Variants in TH observed in about 807,000 individuals in gnomAD.
TH encodes tyrosine hydroxylase, also known as tyrosine 3-monooxygenase.
In TH, 49 loss-of-function variants were observed where a neutral mutation model predicts 57.4. The observed-to-expected ratio is 0.85, with a 90% confidence interval of 0.68 to 1.08. The LOEUF is 1.08. Ranked by LOEUF, TH falls within the 50% of genes least tolerant of loss-of-function variation. The pLI is 0.00. For synonymous variants in TH, 330 were observed against 304.5 expected (o/e 1.08, Z -0.87); for missense variants, 720 against 696.7 (o/e 1.03, Z -0.38).
chr11:2,164,353 C>T lies in TH; in HGVS notation c.1374G>A (p.Lys458=). 1 of 1,549,962 alleles carries T rather than the reference C, an allele frequency of 6.5e-7. No individual in the cohort carries two copies. Among genetic ancestry groups the T allele is most frequent in the South Asian group, 1.2e-5 (1 of 83,602 alleles). The part of the protein sequence containing the change: ...ASRIQRPFSV[K]FDPYTLAIDV... ...CGATGGCCAGCGTGTACGGGTCGAACTTCACGGAGAAGGGGCGCTGGATGC... is the reference window on the plus strand; with the variant it reads ...CGATGGCCAGCGTGTACGGGTCGAATTTCACGGAGAAGGGGCGCTGGATGC... Residue 458 remains lysine (K), a synonymous_variant, in exon 13 of 13, where the codon AAG becomes AAA. Transcript: ENST00000352909.
At position 2,170,002 on chromosome 11, in the gene TH, C is replaced by T. The variant is rs1846210203; in HGVS notation, c.91-131G>A. 1 of 958,852 alleles carries T rather than the reference C, an allele frequency of 1.0e-6. No individual in the cohort carries two copies. The highest frequency in any genetic ancestry group is 1.6e-6 in the Non-Finnish European group (1 of 622,488). The allele number at this position is 958,852 out of a possible 1,614,324, so 59.4% of individuals were successfully genotyped here. A position where few individuals can be genotyped will look rare whatever the true frequency, so the allele number is the denominator to read the frequency against. ...GGGGATGAGAGCACGTTTTTGAGCG[C>T]CTACTGTGTGCCTGCTGGGGCAGAT... On this transcript the variant is annotated intron_variant, in intron 1 of 12. Coordinates refer to ENST00000352909, the MANE Select transcript of TH (RefSeq NM_000360.4). The surrounding 1 kb of genome is among the most constrained non-coding windows in gnomAD (Gnocchi z 6.0).
In TH at chr11:2,166,033, GC is replaced by G; in HGVS notation, c.1072del (p.Ala358ProfsTer28). The part of the protein sequence containing the change: ...SQDIGLASLG[A>X]SDEEIEKLST... ...CAGCTTCTCAATTTCCTCATCCGAGGCCCCCAGGGACGCCAGGCCAATGTCC... is the reference window on the plus strand; with the variant it reads ...CAGCTTCTCAATTTCCTCATCCGAGGCCCCAGGGACGCCAGGCCAATGTCC... On this transcript the variant is annotated frameshift_variant, in exon 10 of 13. Transcript: ENST00000352909. LOFTEE classifies it high-confidence loss of function. The G allele has an allele frequency of 6.4e-7, 1 of 1,559,930 alleles. No homozygotes were observed. The highest frequency in any genetic ancestry group is 1.9e-5 in the Admixed American group (1 of 51,422).
chr11:2,166,679 T>G lies in TH; in HGVS notation c.931A>C (p.Thr311Pro). The G allele has an allele frequency of 6.4e-7, 1 of 1,565,646 alleles. No homozygotes were observed. The highest frequency in any genetic ancestry group is 8.7e-7 in the Non-Finnish European group (1 of 1,155,774). Residue 311 changes from threonine to proline, a missense_variant, in exon 8 of 13, where the codon ACC becomes CCC. Coordinates refer to ENST00000352909, the MANE Select transcript of TH (RefSeq NM_000360.4). ...ASLAFRVFQCTQYIRHASSPM... is the reference protein window; with the variant it reads ...ASLAFRVFQCPQYIRHASSPM... The stretch of plus-strand genomic sequence containing the variant: ...GAGGACGCGTGGCGGATATACTGGG[T>G]GCACTGGAACACGCGGAAGGCCAGG...
intron 5 of TH, 133 bp downstream of exon 5, chr11:2,167,733 G>T: frequency 8.0e-7 from 1 of 1,247,788 alleles, no homozygotes; most frequent in Non-Finnish European, 1.1e-6. Context: ...AAGCCCTGGA[G>T]CAGAGCTGCC....
Position 2,170,114 on chromosome 11 carries a change from G to T in TH, c.91-243C>A, listed in dbSNP as rs1335585651. Among the ~76,000 whole-genome samples the T allele has an allele frequency of 6.6e-6, 1 of 152,186 alleles. No individual in the cohort carries two copies. The highest frequency in any genetic ancestry group is 1.5e-5 in the Non-Finnish European group (1 of 68,020). On this transcript the variant is annotated intron_variant, in intron 1 of 12. Transcript: ENST00000352909. The surrounding 1 kb of genome is among the most constrained non-coding windows in gnomAD (Gnocchi z 6.0). ...CAGTGGTGGTGGGGGAGGAGTGGGGGCTGGGAAGGTGCTCGCCTGCTCCCC... is the reference window on the plus strand; with the variant it reads ...CAGTGGTGGTGGGGGAGGAGTGGGGTCTGGGAAGGTGCTCGCCTGCTCCCC...
In TH at chr11:2,170,975, C is replaced by A. The variant is rs1350631497; in HGVS notation, c.90+722G>T. 6.6e-6 allele frequency among the ~76,000 whole-genome samples: 1 copy of A among 152,064 alleles called. No individual in the cohort carries two copies. The highest frequency in any genetic ancestry group is 6.5e-5 in the Admixed American group (1 of 15,280). On this transcript the variant is annotated intron_variant, in intron 1 of 12. Coordinates refer to ENST00000352909, the MANE Select transcript of TH (RefSeq NM_000360.4). The surrounding 1 kb of genome is among the most constrained non-coding windows in gnomAD (Gnocchi z 6.0). ...AAGGTTCTGAGTGCCCAAGGAGGCA[C>A]CGAAGACCCCTCCTGTGGGCTGAAA...
At position 2,170,035 on chromosome 11, in the gene TH, G is replaced by A. The variant is rs764892869; in HGVS notation, c.91-164C>T. 2.0e-5 allele frequency among the ~76,000 whole-genome samples: 3 copies of A among 152,322 alleles called. No individual in the cohort carries two copies. Among genetic ancestry groups the A allele is most frequent in the South Asian group, 2.1e-4 (1 of 4,822 alleles). ...GTGCCTGCTGGGGCAGATGCTAGCC[G>A]AGGTGCCTGCGGGCATTGCACGCCC... On this transcript the variant is annotated intron_variant, in intron 1 of 12. Transcript: ENST00000352909. The surrounding 1 kb of genome is among the most constrained non-coding windows in gnomAD (Gnocchi z 6.0).
chr11:2,167,198 G>A lies in TH; in HGVS notation c.696-166C>T, dbSNP rs1846123373. The A allele has an allele frequency of 2.7e-6, 3 of 1,130,036 alleles. No homozygotes were observed. The South Asian group carries it at 4.7e-5, about 18-fold the overall frequency. The allele number at this position is 1,130,036 out of a possible 1,614,324, so 70.0% of individuals were successfully genotyped here. ...GAGGGGCTTTTGCTGGTGGCTTTAG[G>A]GAATCCCAGGGGATAGGGGGCCATG... is the stretch of plus-strand genomic sequence containing the variant. On this transcript the variant is annotated intron_variant, in intron 6 of 12. Coordinates refer to ENST00000352909, the MANE Select transcript of TH (RefSeq NM_000360.4).
rs371445115 is a variant in TH, at chr11:2,165,811, C to T, written c.1105-48G>A. 1.9e-3 allele frequency: 2,962 copies of T among 1,582,334 alleles called. 26 individuals are homozygous for T. Among genetic ancestry groups the T allele is most frequent in the South Asian group, 0.016 (1,406 of 88,128 alleles). On this transcript the variant is annotated intron_variant, in intron 10 of 12. Coordinates refer to ENST00000352909, the MANE Select transcript of TH (RefSeq NM_000360.4). ...CAGCCCAGAGACAGCTGCCGCCCACCGGGCAGCCCCTGGTCACCCGTGACC... is the reference window on the plus strand; with the variant it reads ...CAGCCCAGAGACAGCTGCCGCCCACTGGGCAGCCCCTGGTCACCCGTGACC...
At chr11:2,164,529 C>A in intron 12 of TH, 137 bp from the exon 13 acceptor site, 1 of 1,009,072 alleles carries the variant, frequency 9.9e-7, no homozygotes, top group Non-Finnish European at 1.4e-6. Context: ...CAACTGGTCA[C>A]AGGCGGGACA....
chr11:2,169,943 C>T (rs1846208875), intron 1 of TH, 72 bp from the exon 2 acceptor site: 1 of 1,455,882 alleles, frequency 6.9e-7, no homozygotes, highest in Non-Finnish European at 9.4e-7. Context: ...CAGCTGGTCC[C>T]ACAGTCGGGC....
At chr11:2,168,234 T>A in intron 3 of TH, 55 bp from the exon 4 acceptor site, 1 of 1,580,010 alleles carries the variant, frequency 6.3e-7, no homozygotes, top group Non-Finnish European at 8.7e-7. Flanking sequence ...TGGGGCTGTG[T>A]CACCCACCTT....
Position 2,166,635 on chromosome 11 carries a change from C to G in TH, c.975G>C (p.Glu325Asp). Residue 325 changes from glutamate (E) to aspartate (D), a missense_variant and splice_region_variant, in exon 8 of 13, where the codon GAG (glutamate) becomes GAC (aspartate). Transcript: ENST00000352909. ...TGGCGGCCAGGGCGCGCACTCACGG[C>G]TCAGGGGAGTGCATGGGCGAGGACG... ...RHASSPMHSP[E>D]PDCCHELLGH... The G allele has an allele frequency of 6.3e-7, 1 of 1,580,208 alleles. No homozygotes were observed. The highest frequency in any genetic ancestry group is 8.6e-7 in the Non-Finnish European group (1 of 1,164,398).
intron 1 of TH, 99 bp from the exon 2 acceptor site, chr11:2,169,970 A>C: frequency 1.6e-6 from 2 of 1,243,954 alleles, no homozygotes. Context: ...GATGGCACAC[A>C]GAGGCAGGGG....
At chr11:2,165,429 C>A (rs529543380) in intron 11 of TH, 64 bp from the exon 12 acceptor site, 4 of 1,599,600 alleles carry the variant, frequency 2.5e-6, no homozygotes, top group South Asian at 1.1e-5. Flanking sequence ...AACTGGGGCA[C>A]CGTGGCCTGA....
chr11:2,165,983 C>G lies in TH; in HGVS notation c.1104+19G>C. 1 of 1,558,354 alleles carries G rather than the reference C, an allele frequency of 6.4e-7. No individual in the cohort carries two copies. Among genetic ancestry groups the G allele is most frequent in the East Asian group, 2.4e-5 (1 of 42,196 alleles). ...CCCCAAACCCACACCCCAGGCCCTG[C>G]AGGGAGGGGTCAACCCACCGTGGAC... On this transcript the variant is annotated intron_variant, in intron 10 of 12. Coordinates refer to ENST00000352909, the MANE Select transcript of TH (RefSeq NM_000360.4).
rs1846115483 is a variant in TH, at chr11:2,167,002, G to C, written c.726C>G (p.Leu242=). Residue 242 remains leucine, a synonymous_variant, in exon 7 of 13, where the codon CTC becomes CTG. Coordinates refer to ENST00000352909, the MANE Select transcript of TH (RefSeq NM_000360.4). ...GCTCCCCGCAGGCGTGCGTGGCGTAGAGGCCCTTCAGCGTGGTGTAGACCT... is the reference window on the plus strand; with the variant it reads ...GCTCCCCGCAGGCGTGCGTGGCGTACAGGCCCTTCAGCGTGGTGTAGACCT... ...WKEVYTTLKG[L]YATHACGEHL... The C allele has an allele frequency of 6.3e-7, 1 of 1,588,834 alleles. No individual in the cohort carries two copies. The highest frequency in any genetic ancestry group is 8.6e-7 in the Non-Finnish European group (1 of 1,168,120).
intron 2 of TH, among the ~76,000 whole-genome samples, chr11:2,168,977 C>T (rs998576765): frequency 1.3e-5 from 2 of 152,224 alleles, no homozygotes; most frequent in African/African-American, 4.8e-5. Context: ...TCCGGCTCCT[C>T]AGCCACTGGT....
chr11:2,165,553 C>T (rs1258302105), intron 11 of TH, 115 bp downstream of exon 11: 11 of 1,359,476 alleles, frequency 8.1e-6, no homozygotes, highest in South Asian at 1.2e-5. Flanking sequence ...CCAAACAGAG[C>T]CTGAGTCCTG....
Sources: allele counts gnomAD v4.1 joint callset (sites outside exome capture counted in the v4.1 genomes callset), GRCh38; gene constraint gnomAD v4.1.1; non-coding constraint Gnocchi (gnomAD v3.1); transcripts MANE v1.5; gene names NCBI Gene and HGNC (gene_info 2026-07-23, HGNC 2026-07-21).